OR4F15: variants seen among roughly 807,000 people sequenced by gnomAD.
OR4F15 encodes the protein olfactory receptor 4F15.
Under a neutral mutation model 11.9 loss-of-function variants are expected in OR4F15, and 7 were observed. The observed-to-expected ratio is 0.59, with a 90% CI of 0.33 to 1.10. OR4F15 has a LOEUF of 1.10. Among genes scored for constraint, OR4F15 ranks in the 50% least tolerant of loss-of-function variants. The pLI is 0.03. For synonymous variants in OR4F15, 151 were observed against 134.6 expected (o/e 1.12, Z -0.84); for missense variants, 445 against 377.5 (o/e 1.18, Z -1.48).
chr15:101,814,137 T>G (rs1264932778), intron 1 of OR4F15, among the ~76,000 whole-genome samples: 1 of 152,246 alleles, frequency 6.6e-6, no homozygotes. Flanking sequence ...TTGCTCTTTG[T>G]ATTATTTTCT....
At chr15:101,813,508 C>CAA (rs11311342) in intron 1 of OR4F15, among the ~76,000 whole-genome samples, 13 of 107,330 alleles carry the variant, frequency 1.2e-4, no homozygotes, top group Middle Eastern at 4.9e-3. Context: ...GAATCTGTCT[C>CAA]AAAAAAAAAA....
intron 1 of OR4F15, among the ~76,000 whole-genome samples, chr15:101,816,435 A>T (rs1902990131): frequency 6.6e-6 from 1 of 152,120 alleles, no homozygotes. Flanking sequence ...TATTGATTTT[A>T]GCTCTGAAAA....
chr15:101,813,939 T>C (rs186963403), intron 1 of OR4F15, among the ~76,000 whole-genome samples: 1 of 152,312 alleles, frequency 6.6e-6, no homozygotes, highest in East Asian at 1.9e-4. Context: ...TATCTCCTAA[T>C]GGCAATGGCC....
Position 101,818,180 on chromosome 15 carries a change from T to C in OR4F15, c.-7T>C. On this transcript the variant is annotated 5_prime_UTR_variant, in exon 2 of 2. An upstream open reading frame in the 5' UTR loses its in-frame stop. Transcript: ENST00000332238. ...TAACATGAAAACTGATCTTGGAGTC[T>C]GAGGCAATGAATGGAATGAATCACT... The C allele has an allele frequency of 1.3e-6, 2 of 1,575,272 alleles. No individual in the cohort carries two copies. The highest frequency in any genetic ancestry group is 2.3e-5 in the South Asian group (2 of 87,236).
In OR4F15 at chr15:101,818,876, T is replaced by G; in HGVS notation, c.690T>G (p.Ser230=). ...FILFTVWKHS[S]GGLAKALSTL... Reference sequence around the variant, plus strand: ...TGTTCACTGTTTGGAAACATTCTTCTGGTGGTCTAGCCAAGGCCCTCTCTA... The same window carrying G: ...TGTTCACTGTTTGGAAACATTCTTCGGGTGGTCTAGCCAAGGCCCTCTCTA... Residue 230 remains serine, a synonymous_variant, in exon 2 of 2, where the codon TCT becomes TCG. Coordinates refer to ENST00000332238, the MANE Select transcript of OR4F15 (RefSeq NM_001001674.2). The G allele has an allele frequency of 6.2e-7, 1 of 1,614,172 alleles. No homozygotes were observed. Among genetic ancestry groups the G allele is most frequent in the Non-Finnish European group, 8.5e-7 (1 of 1,180,014 alleles).
intron 1 of OR4F15, among the ~76,000 whole-genome samples, chr15:101,812,545 C>T (rs138729882): frequency 1.3e-5 from 2 of 152,186 alleles, no homozygotes; most frequent in African/African-American, 4.8e-5. Flanking sequence ...AATCTATTAG[C>T]CCTGAAAATG....
At chr15:101,818,080 C>G in intron 1 of OR4F15, 70 bp from the exon 2 acceptor site, 1 of 761,372 alleles carries the variant, frequency 1.3e-6, no homozygotes, top group African/African-American at 1.7e-5. Flanking sequence ...ATTTTCATGG[C>G]TGGAGGCTTT....
intron 1 of OR4F15, among the ~76,000 whole-genome samples, chr15:101,814,773 G>A (rs1902962279): frequency 6.6e-6 from 1 of 151,816 alleles, no homozygotes. Context: ...CCTCTGTGTA[G>A]GCTCTGTCTT....
chr15:101,813,423 C>T (rs111332666), intron 1 of OR4F15, among the ~76,000 whole-genome samples: 10 of 150,362 alleles, frequency 6.7e-5, no homozygotes, highest in African/African-American at 1.7e-4. Context: ...GCTACAGAAT[C>T]GCTTAAACCT....
intron 1 of OR4F15, among the ~76,000 whole-genome samples, chr15:101,815,708 C>G (rs1459848751): frequency 6.6e-6 from 1 of 152,028 alleles, no homozygotes; most frequent in African/African-American, 2.4e-5. Context: ...TGCTATATGC[C>G]CAACCTCTGG....
chr15:101,819,004 T>C lies in OR4F15; in HGVS notation c.818T>C (p.Ile273Thr). 6.2e-7 allele frequency: 1 copy of C among 1,614,136 alleles called. No individual in the cohort carries two copies. Among genetic ancestry groups the C allele is most frequent in the Middle Eastern group, 1.7e-4 (1 of 6,060 alleles). ...TCACACCTGGATAAATATCTTGCTA[T>C]TTTTGATGCATTTATTACTCCTTTT... is the stretch of plus-strand genomic sequence containing the variant. ...PTSHLDKYLA[I>T]FDAFITPFLN... Residue 273 changes from isoleucine (I) to threonine (T), a missense_variant, in exon 2 of 2, where the codon ATT becomes ACT. Ile to Thr is a moderately conservative substitution (Grantham distance 89). Transcript: ENST00000332238.
chr15:101,813,851 T>C lies in OR4F15; in HGVS notation c.-38+1579T>C, dbSNP rs569509616. Among the ~76,000 whole-genome samples, 4 of 152,284 alleles carry C rather than the reference T, an allele frequency of 2.6e-5. No homozygotes were observed. The South Asian group carries it at 6.2e-4, about 24-fold the overall frequency. On this transcript the variant is annotated intron_variant, in intron 1 of 1. Transcript: ENST00000332238. ...CACTATCACAATTGTTTAGTGTAAA[T>C]AGATGATAACTATAATTCATGTCAT...
At position 101,819,663 on chromosome 15, in the gene OR4F15, AT is replaced by A. The variant is rs1903070060; in HGVS notation, c.*539del. 1 of 152,568 alleles carries A rather than the reference AT, an allele frequency of 6.6e-6. No individual in the cohort carries two copies. The allele number at this position is 152,568 out of a possible 1,614,324, so 9.5% of individuals were successfully genotyped here. On this transcript the variant is annotated 3_prime_UTR_variant, in exon 2 of 2. Transcript: ENST00000332238. ...CTGAGGGCTGGGATTACAGGCGCCC[AT>A]CACAACCCCTGGCTAATTTTTGTAT... is the stretch of plus-strand genomic sequence containing the variant.
chr15:101,819,256 A>C lies in OR4F15; in HGVS notation c.*131A>C. 5 of 627,670 alleles carry C rather than the reference A, an allele frequency of 8.0e-6. No homozygotes were observed. Among genetic ancestry groups the C allele is most frequent in the Non-Finnish European group, 1.4e-5 (5 of 364,122 alleles). 38.9% of individuals were successfully genotyped at this position (627,670 alleles called of 1,614,324 possible). On this transcript the variant is annotated 3_prime_UTR_variant, in exon 2 of 2. Coordinates refer to ENST00000332238, the MANE Select transcript of OR4F15 (RefSeq NM_001001674.2). ...GCCTGAAAATTTATGAAATCATGGT[A>C]ACAATTTCACCATTAAATTAGAAGT...
chr15:101,813,148 T>C (rs1231030837), intron 1 of OR4F15, among the ~76,000 whole-genome samples: 3 of 152,164 alleles, frequency 2.0e-5, no homozygotes, highest in African/African-American at 7.2e-5. Flanking sequence ...TAAGTGGATA[T>C]CAGCTTAGTT....
At position 101,818,734 on chromosome 15, in the gene OR4F15, G is replaced by A. The variant is rs140140871; in HGVS notation, c.548G>A (p.Arg183Gln). The A allele has an allele frequency of 8.7e-6, 14 of 1,613,976 alleles. No individual in the cohort carries two copies. The highest frequency in any genetic ancestry group is 3.3e-5 in the Admixed American group (2 of 59,990). Residue 183 changes from arginine to glutamine, a missense_variant, in exon 2 of 2, where the codon CGG becomes CAG. Transcript: ENST00000332238. ...IFDSFYCDLP[R>Q]LLRLACTNTQ... is the part of the protein sequence containing the mutation. ...GACAGTTTTTACTGTGATCTCCCTCGGCTCCTCAGACTTGCCTGTACCAAC... is the reference window on the plus strand; with the variant it reads ...GACAGTTTTTACTGTGATCTCCCTCAGCTCCTCAGACTTGCCTGTACCAAC...
chr15:101,813,229 C>A (rs536966799), intron 1 of OR4F15, among the ~76,000 whole-genome samples: 5 of 152,048 alleles, frequency 3.3e-5, no homozygotes, highest in Admixed American at 2.6e-4. Context: ...AGGACACAGC[C>A]GGGCACGGTG....
intron 1 of OR4F15, among the ~76,000 whole-genome samples, chr15:101,816,859 C>A (rs537400093): frequency 6.6e-6 from 1 of 152,298 alleles, no homozygotes; most frequent in East Asian, 1.9e-4. Context: ...TGGACTTAAT[C>A]TCCATTACTC....
At chr15:101,813,508 C>CAAA (rs11311342) in intron 1 of OR4F15, among the ~76,000 whole-genome samples, 1 of 107,370 alleles carries the variant, frequency 9.3e-6, no homozygotes, top group Admixed American at 9.6e-5. Flanking sequence ...GAATCTGTCT[C>CAAA]AAAAAAAAAA....
Sources: gnomAD v4.1 joint callset for allele counts (sites outside exome capture counted in the v4.1 genomes callset) on GRCh38, gnomAD v4.1.1 for gene constraint, MANE v1.5 for transcripts, NCBI Gene and HGNC (gene_info 2026-07-23, HGNC 2026-07-21) for gene names.